The following USH2A variants were observed in gnomAD, a reference collection of about 807,000 sequenced individuals.
The protein encoded by USH2A is usherin, also known as Usher syndrome 2A (autosomal recessive, mild).
In USH2A, 443 loss-of-function variants were observed where a neutral mutation model predicts 538.9. The observed-to-expected ratio is 0.82, with a 90% CI of 0.76 to 0.89. The LOEUF is 0.89. USH2A is among the 40% of genes least tolerant of loss of function. USH2A has a pLI of 0.00. For synonymous variants in USH2A, 2,413 were observed against 2,273.5 expected (o/e 1.06, Z -1.75); for missense variants, 6,633 against 6,324.8 (o/e 1.05, Z -1.65).
intron 50 of USH2A, among the ~76,000 whole-genome samples, chr1:215,796,842 GAAAATCAAA>G (rs368966708): frequency 0.58 from 88,007 of 151,582 alleles, 25,924 homozygotes; most frequent in Admixed American, 0.66. Flanking sequence ...AGTTCTTGAA[GAAAATCAAA>G]ATGCTCCTCT....
intron 32 of USH2A, among the ~76,000 whole-genome samples, chr1:216,009,307 A>T (rs1668486785): frequency 6.6e-6 from 1 of 152,024 alleles, no homozygotes; most frequent in African/African-American, 2.4e-5. Flanking sequence ...TGTGTTTTTA[A>T]GAACTTAAAA....
chr1:215,796,352 T>C (rs1348674966), intron 50 of USH2A, among the ~76,000 whole-genome samples: 1 of 152,140 alleles, frequency 6.6e-6, no homozygotes, highest in Admixed American at 6.5e-5. Flanking sequence ...TCGCTTCGTG[T>C]CTCTGTCACA....
At chr1:215,783,330 GCTTT>G (rs1239797161) in intron 52 of USH2A, among the ~76,000 whole-genome samples, 1 of 152,014 alleles carries the variant, frequency 6.6e-6, no homozygotes, top group Non-Finnish European at 1.5e-5. Flanking sequence ...ATAAATTATT[GCTTT>G]CTGTTACTTT....
intron 38 of USH2A, among the ~76,000 whole-genome samples, chr1:215,922,195 T>C (rs1571815404): frequency 6.6e-6 from 1 of 152,166 alleles, no homozygotes; most frequent in Non-Finnish European, 1.5e-5. Context: ...AAGGAGTTTC[T>C]TATAGCAGAT....
At chr1:215,715,010 A>T (rs904816110) in intron 61 of USH2A, among the ~76,000 whole-genome samples, 2 of 152,182 alleles carry the variant, frequency 1.3e-5, no homozygotes, top group Non-Finnish European at 2.9e-5. Context: ...AAGTTCCGGG[A>T]TACACGTGCA....
chr1:216,160,474 T>C (rs1374015651), intron 21 of USH2A, among the ~76,000 whole-genome samples: 1 of 152,080 alleles, frequency 6.6e-6, no homozygotes, highest in African/African-American at 2.4e-5. Flanking sequence ...GAACTTGAAA[T>C]ATTATGAGAT....
chr1:215,809,048 T>G (rs746977532), intron 49 of USH2A, among the ~76,000 whole-genome samples: 2 of 152,084 alleles, frequency 1.3e-5, no homozygotes, highest in Non-Finnish European at 2.9e-5. Flanking sequence ...GGGAACTTAG[T>G]AAAAGTTTCC....
At chr1:215,844,158 T>A in intron 46 of USH2A, 136 bp downstream of exon 46, 1 of 906,234 alleles carries the variant, frequency 1.1e-6, no homozygotes, top group Non-Finnish European at 1.7e-6. Context: ...TCTGATCAAT[T>A]TCCCTTCTCT....
chr1:216,103,228 G>A (rs564744949), intron 21 of USH2A, among the ~76,000 whole-genome samples: 1 of 152,352 alleles, frequency 6.6e-6, no homozygotes, highest in Admixed American at 6.5e-5. Flanking sequence ...ATTTTGTACT[G>A]TGGGTGCTGG....
chr1:215,900,811 G>T lies in USH2A; in HGVS notation c.7395C>A (p.Gly2465=). The part of the protein sequence containing the change: ...WSTPARNNAP[G]SPRYQLQMRS... Reference sequence around the variant, plus strand: ...TCATCTGGAGTTGGTATCTGGGAGAGCCAGGAGCGTTATTACGAGCTGGTG... The same window carrying T: ...TCATCTGGAGTTGGTATCTGGGAGATCCAGGAGCGTTATTACGAGCTGGTG... Residue 2465 remains glycine, a synonymous_variant, in exon 39 of 72, where the codon GGC becomes GGA. Coordinates refer to ENST00000307340, the MANE Select transcript of USH2A (RefSeq NM_206933.4). 1 of 1,613,808 alleles carries T rather than the reference G, an allele frequency of 6.2e-7. No individual in the cohort carries two copies. Among genetic ancestry groups the T allele is most frequent in the Middle Eastern group, 1.7e-4 (1 of 6,044 alleles).
chr1:216,321,324 T>A (rs2037605117), intron 9 of USH2A, among the ~76,000 whole-genome samples: 1 of 152,160 alleles, frequency 6.6e-6, no homozygotes, highest in African/African-American at 2.4e-5. Context: ...AAGATGAAGC[T>A]AAAATTCCAC....
rs544967938 is a variant in USH2A, at chr1:215,750,032, G to A, written c.11390-6697C>T. On this transcript the variant is annotated intron_variant, in intron 58 of 71. Transcript: ENST00000307340. The stretch of plus-strand genomic sequence containing the variant: ...CACAGCAGGTGCATACTTTACAATG[G>A]GACAAGTCAATCAATAATCCTTTTT... 2.0e-5 allele frequency among the ~76,000 whole-genome samples: 3 copies of A among 152,144 alleles called. No homozygotes were observed. The South Asian group carries it at 6.2e-4, about 32-fold the overall frequency.
chr1:215,910,331 C>T (rs934074841), intron 38 of USH2A, among the ~76,000 whole-genome samples: 5 of 151,808 alleles, frequency 3.3e-5, no homozygotes, highest in Middle Eastern at 3.2e-3. Context: ...TTGATTAAAT[C>T]ACAAAAGAGG....
chr1:216,098,789 G>A (rs1360120786), intron 21 of USH2A, among the ~76,000 whole-genome samples: 1 of 151,908 alleles, frequency 6.6e-6, no homozygotes, highest in Non-Finnish European at 1.5e-5. Context: ...GTATAGGGAT[G>A]TATACAAAAT....
intron 3 of USH2A, among the ~76,000 whole-genome samples, chr1:216,375,229 G>A (rs893321119): frequency 1.3e-5 from 2 of 152,056 alleles, no homozygotes; most frequent in African/African-American, 2.4e-5. Context: ...TTGAAACTAG[G>A]CATTGATTTC....
intron 21 of USH2A, among the ~76,000 whole-genome samples, chr1:216,169,419 A>G (rs1213636957): frequency 6.6e-6 from 1 of 152,136 alleles, no homozygotes; most frequent in East Asian, 1.9e-4. Flanking sequence ...GCATTCTTAA[A>G]TTGGTCTTAT....
At chr1:215,913,662 C>T (rs879591961) in intron 38 of USH2A, among the ~76,000 whole-genome samples, 6 of 151,942 alleles carry the variant, frequency 3.9e-5, no homozygotes, top group Non-Finnish European at 7.4e-5. Context: ...GGTGGCTACT[C>T]CCTGGTAAAT....
At chr1:215,900,349 A>C in intron 39 of USH2A, 132 bp from the exon 40 acceptor site, 1 of 989,304 alleles carries the variant, frequency 1.0e-6, no homozygotes, top group Non-Finnish European at 1.5e-6. Context: ...CTGCCATCAA[A>C]TGAGATCTCT....
chr1:215,723,758 T>C (rs182988305), intron 61 of USH2A, among the ~76,000 whole-genome samples: 1 of 152,274 alleles, frequency 6.6e-6, no homozygotes, highest in Non-Finnish European at 1.5e-5. Context: ...TAAAGTTGTT[T>C]ACCTGGTGCA....
Sources: allele counts gnomAD v4.1 joint callset (sites outside exome capture counted in the v4.1 genomes callset), GRCh38; gene constraint gnomAD v4.1.1; transcripts MANE v1.5; gene names NCBI Gene and HGNC (gene_info 2026-07-23, HGNC 2026-07-21).